Variants in AKAP19 observed in about 807,000 individuals in gnomAD.
The protein encoded by AKAP19 is small A-kinase anchoring protein.
the AKAP19 span, among the ~76,000 whole-genome samples, chr2:190,124,573 G>T: frequency 6.6e-4 from 101 of 152,028 alleles, no homozygotes; most frequent in African/African-American, 2.3e-3. Context: ...AGCCAGGCAT[G>T]GTCATGCACA....
At chr2:189,923,317 A>G in the AKAP19 span, 2 of 1,604,130 alleles carry the variant, frequency 1.2e-6, no homozygotes, top group African/African-American at 2.7e-5. Flanking sequence ...CTTTGTGAGA[A>G]ACCTTACCAT....
the AKAP19 span, among the ~76,000 whole-genome samples, chr2:190,191,429 G>A: frequency 8.5e-5 from 13 of 152,124 alleles, no homozygotes; most frequent in Admixed American, 1.3e-4. Flanking sequence ...ACAGGCATGC[G>A]CCACCGTCCC....
the AKAP19 span, among the ~76,000 whole-genome samples, chr2:189,922,105 T>C: frequency 6.6e-6 from 1 of 151,926 alleles, no homozygotes; most frequent in African/African-American, 2.4e-5. Context: ...GAGGGAACAA[T>C]GAAATTGGCA....
the AKAP19 span, among the ~76,000 whole-genome samples, chr2:189,966,416 C>T: frequency 8.5e-5 from 13 of 152,142 alleles, no homozygotes; most frequent in African/African-American, 3.1e-4. Flanking sequence ...AAATGCAATA[C>T]CTTCAAAGGA....
chr2:189,993,890 C>A, the AKAP19 span, among the ~76,000 whole-genome samples: 1 of 151,906 alleles, frequency 6.6e-6, no homozygotes, highest in Middle Eastern at 3.4e-3. Context: ...TATTTTGGAT[C>A]TTCTCTCTTC....
chr2:190,129,020 C>T, the AKAP19 span, among the ~76,000 whole-genome samples: 1 of 152,058 alleles, frequency 6.6e-6, no homozygotes, highest in Non-Finnish European at 1.5e-5. Context: ...CTGTGTTTAC[C>T]ACAATTGAAA....
the AKAP19 span, among the ~76,000 whole-genome samples, chr2:190,130,487 A>C: frequency 6.6e-6 from 1 of 152,184 alleles, no homozygotes; most frequent in Admixed American, 6.5e-5. Flanking sequence ...GTTGCAATGC[A>C]AAAAAATTTT....
At chr2:190,012,290 A>G in the AKAP19 span, among the ~76,000 whole-genome samples, 1 of 112,018 alleles carries the variant, frequency 8.9e-6, no homozygotes, top group Non-Finnish European at 1.8e-5. Context: ...ACACCTGACT[A>G]ATTTCTGTAT....
chr2:189,896,810 G>A, the AKAP19 span, among the ~76,000 whole-genome samples: 1 of 151,932 alleles, frequency 6.6e-6, no homozygotes, highest in Non-Finnish European at 1.5e-5. Context: ...TTCCCCAAAG[G>A]ATAAAGAAAG....
the AKAP19 span, among the ~76,000 whole-genome samples, chr2:189,905,801 A>C: frequency 6.6e-6 from 1 of 151,986 alleles, no homozygotes; most frequent in African/African-American, 2.4e-5. Flanking sequence ...GTGCAATTTG[A>C]AATTTTCTTT....
chr2:189,986,877 C>T, the AKAP19 span, among the ~76,000 whole-genome samples: 1 of 152,060 alleles, frequency 6.6e-6, no homozygotes, highest in Non-Finnish European at 1.5e-5. Flanking sequence ...AAGGATGTTG[C>T]CTTCCAACCT....
the AKAP19 span, among the ~76,000 whole-genome samples, chr2:190,068,416 G>A: frequency 6.6e-6 from 1 of 152,134 alleles, no homozygotes; most frequent in Non-Finnish European, 1.5e-5. Flanking sequence ...TGCAACCTCT[G>A]CCTCCCGGGT....
chr2:190,123,577 C>G, the AKAP19 span, among the ~76,000 whole-genome samples: 3 of 152,166 alleles, frequency 2.0e-5, no homozygotes, highest in Admixed American at 6.5e-5. Flanking sequence ...CAAATTATCT[C>G]AAATGTATAT....
the AKAP19 span, among the ~76,000 whole-genome samples, chr2:190,152,659 C>T: frequency 4.5e-3 from 685 of 152,206 alleles, 7 homozygotes; most frequent in African/African-American, 0.015. Context: ...TTGTCTAGTT[C>T]CAGGAAAGAA....
the AKAP19 span, among the ~76,000 whole-genome samples, chr2:190,151,900 G>A: frequency 4.6e-5 from 7 of 152,144 alleles, no homozygotes; most frequent in African/African-American, 1.2e-4. Flanking sequence ...CTACTTGGGA[G>A]GCTGAGGCAC....
At chr2:190,060,040 G>A in the AKAP19 span, 11 of 1,604,868 alleles carry the variant, frequency 6.9e-6, no homozygotes, top group Non-Finnish European at 9.4e-6. Flanking sequence ...TTATTATAAT[G>A]TTATTTTCAG....
chr2:189,921,922 C>A, the AKAP19 span, among the ~76,000 whole-genome samples: 2 of 152,170 alleles, frequency 1.3e-5, no homozygotes, highest in African/African-American at 4.8e-5. Flanking sequence ...TGATAGTTGT[C>A]TCTGTCCTCA....
the AKAP19 span, among the ~76,000 whole-genome samples, chr2:189,889,145 G>A: frequency 6.6e-6 from 1 of 150,584 alleles, no homozygotes; most frequent in Admixed American, 6.6e-5. Context: ...TTAGTATGAA[G>A]GGGTGTTGTA....
chr2:190,187,409 C>CTTTTTT, the AKAP19 span, among the ~76,000 whole-genome samples: 21 of 131,286 alleles, frequency 1.6e-4, no homozygotes, highest in South Asian at 9.7e-4. Context: ...TTAGAAGTTA[C>CTTTTTT]TTTTTTTTTT....
Sources: gnomAD v4.1 joint callset for allele counts (sites outside exome capture counted in the v4.1 genomes callset) on GRCh38, gnomAD v4.1.1 for gene constraint, MANE v1.5 for transcripts, NCBI Gene and HGNC (gene_info 2026-07-23, HGNC 2026-07-21) for gene names.